EFNB2: variants seen among roughly 807,000 people sequenced by gnomAD.
EFNB2 encodes ephrin-B2.
Under a neutral mutation model 32.1 loss-of-function variants are expected in EFNB2, and 5 were observed. The observed-to-expected ratio is 0.16, with a 90% CI of 0.08 to 0.33. The LOEUF is 0.33. EFNB2 is among the 10% of genes least tolerant of loss of function. The pLI is 1.00. For synonymous variants in EFNB2, 168 were observed against 166.5 expected (o/e 1.01, Z -0.07); for missense variants, 263 against 422.6 (o/e 0.62, Z 3.31).
chr13:106,523,073 C>T (rs1018582008), intron 1 of EFNB2, among the ~76,000 whole-genome samples: 3 of 152,182 alleles, frequency 2.0e-5, no homozygotes, highest in Non-Finnish European at 4.4e-5. Flanking sequence ...ATACCTCCTT[C>T]CTGGGCTTCA....
intron 1 of EFNB2, among the ~76,000 whole-genome samples, chr13:106,524,333 G>A (rs1879631100): frequency 6.6e-6 from 1 of 152,222 alleles, no homozygotes; most frequent in Non-Finnish European, 1.5e-5. Flanking sequence ...CCATGCAACA[G>A]CATAAGCAGG....
chr13:106,498,051 T>C (rs1878647926), intron 2 of EFNB2, among the ~76,000 whole-genome samples: 1 of 152,164 alleles, frequency 6.6e-6, no homozygotes, highest in African/African-American at 2.4e-5. Flanking sequence ...TAAATGAACC[T>C]ACACGCAAAA....
Position 106,512,656 on chromosome 13 carries a change from C to T in EFNB2, c.279G>A (p.Lys93=), listed in dbSNP as rs775132304. The change falls in exon 2 of 5, where the codon AAG becomes AAA. Residue 93 remains lysine, a synonymous_variant. Coordinates refer to ENST00000646441, the MANE Select transcript of EFNB2 (RefSeq NM_004093.4). ...KDQADRCTIK[K]ENTPLLNCAK... ...CACAGTTGAGGAGAGGGGTATTTTC[C>T]TTCTTAATAGTGCATCTGTCTGCTT... is the stretch of plus-strand genomic sequence containing the variant. 8 of 1,613,624 alleles carry T rather than the reference C, an allele frequency of 5.0e-6. No homozygotes were observed. The Admixed American group carries it at 1.3e-4, about 27-fold the overall frequency.
Position 106,535,054 on chromosome 13 carries a change from G to C in EFNB2, c.-90C>G. ...ACCCCCAATCCTCCGGGGCAGACTGGCGGGGAAGACGGCGTGCGCCCGCAG... is the reference window on the plus strand; with the variant it reads ...ACCCCCAATCCTCCGGGGCAGACTGCCGGGGAAGACGGCGTGCGCCCGCAG... On this transcript the variant is annotated 5_prime_UTR_variant, in exon 1 of 5. Transcript: ENST00000646441. The C allele has an allele frequency of 1.3e-6, 2 of 1,534,416 alleles. No individual in the cohort carries two copies. Among genetic ancestry groups the C allele is most frequent in the East Asian group, 2.4e-5 (1 of 41,584 alleles).
At chr13:106,494,315 T>G (rs1566454147) in intron 4 of EFNB2, among the ~76,000 whole-genome samples, 1 of 152,222 alleles carries the variant, frequency 6.6e-6, no homozygotes, top group African/African-American at 2.4e-5. Flanking sequence ...CCAAGACTGT[T>G]AAGAAAACGA....
At chr13:106,508,822 G>A (rs986594648) in intron 2 of EFNB2, among the ~76,000 whole-genome samples, 1 of 152,170 alleles carries the variant, frequency 6.6e-6, no homozygotes, top group African/African-American at 2.4e-5. Context: ...ATATCAGTTT[G>A]CCACATATCT....
chr13:106,513,011 A>C (rs529401936), intron 1 of EFNB2, among the ~76,000 whole-genome samples, 199 bp from the exon 2 acceptor site: 2 of 152,308 alleles, frequency 1.3e-5, no homozygotes, highest in East Asian at 3.9e-4. Flanking sequence ...AAAAGGAAAG[A>C]CAGAAAGAAA....
intron 1 of EFNB2, chr13:106,517,908 G>A (rs1879364840): frequency 2.6e-5 from 4 of 152,100 alleles, no homozygotes; most frequent in Admixed American, 2.6e-4. Flanking sequence ...CACCAATCTA[G>A]ACTCTAATAC....
intron 1 of EFNB2, among the ~76,000 whole-genome samples, chr13:106,526,220 A>C (rs1424429428): frequency 2.0e-5 from 3 of 152,216 alleles, no homozygotes; most frequent in African/African-American, 7.2e-5. Context: ...ATCCATGTCT[A>C]GTAGCAGAAG....
At chr13:106,498,000 C>T (rs1878646397) in intron 2 of EFNB2, among the ~76,000 whole-genome samples, 2 of 152,166 alleles carry the variant, frequency 1.3e-5, no homozygotes, top group Admixed American at 1.3e-4. Context: ...TGGTTTACTT[C>T]ATTCAGGTGG....
Position 106,492,194 on chromosome 13 carries a change from G to C in EFNB2, c.*846C>G, listed in dbSNP as rs186169741. On this transcript the variant is annotated 3_prime_UTR_variant, in exon 5 of 5. Transcript: ENST00000646441. The surrounding 1 kb of genome is among the most constrained non-coding windows in gnomAD (Gnocchi z 5.1). Reference sequence around the variant, plus strand: ...TGTCGTGTCTCCTACTGGCCTCTTCGATCTCAGCAAAACCAAAGTGCTGTG... The same window carrying C: ...TGTCGTGTCTCCTACTGGCCTCTTCCATCTCAGCAAAACCAAAGTGCTGTG... 5 of 152,592 alleles carry C rather than the reference G, an allele frequency of 3.3e-5. No individual in the cohort carries two copies. Among genetic ancestry groups the C allele is most frequent in the Non-Finnish European group, 7.3e-5 (5 of 68,068 alleles). 9.5% of individuals were successfully genotyped at this position (152,592 alleles called of 1,614,324 possible). A position where few individuals can be genotyped will look rare whatever the true frequency, so the allele number is the denominator to read the frequency against.
rs1879397012 is a variant in EFNB2 at position 106,518,673 on chromosome 13, G to A, written c.123-5861C>T. On this transcript the variant is annotated intron_variant, in intron 1 of 4. Transcript: ENST00000646441. This position sits in a 1 kb window ranked among gnomAD's most constrained non-coding sequence, Gnocchi z 4.1. ...GATCTATTTCTGCACTTTGCCCAGT[G>A]TAATAGGAGGATCCGTGGGAAGCCA... 2 of 152,280 alleles carry A rather than the reference G, an allele frequency of 1.3e-5. No individual in the cohort carries two copies. Among genetic ancestry groups the A allele is most frequent in the Non-Finnish European group, 2.9e-5 (2 of 68,112 alleles). 9.4% of individuals were successfully genotyped at this position (152,280 alleles called of 1,614,324 possible).
intron 3 of EFNB2, 122 bp downstream of exon 3, chr13:106,495,625 AG>A: frequency 1.1e-6 from 1 of 886,556 alleles, no homozygotes; most frequent in East Asian, 2.5e-5. Flanking sequence ...AAAGTGCAGA[AG>A]GGTTTGCTTT....
At chr13:106,498,742 T>G (rs1028144405) in intron 2 of EFNB2, among the ~76,000 whole-genome samples, 1 of 152,180 alleles carries the variant, frequency 6.6e-6, no homozygotes, top group Non-Finnish European at 1.5e-5. Flanking sequence ...ATGCTGCCTT[T>G]GTAGGTTCCT....
intron 1 of EFNB2, among the ~76,000 whole-genome samples, chr13:106,527,301 AAAT>A (rs1047888833): frequency 2.6e-5 from 4 of 151,782 alleles, no homozygotes; most frequent in African/African-American, 9.7e-5. Context: ...AATAAAATAA[AAAT>A]AATAATATAA....
chr13:106,533,972 C>A (rs759683447), intron 1 of EFNB2, among the ~76,000 whole-genome samples: 1 of 152,218 alleles, frequency 6.6e-6, no homozygotes, highest in Non-Finnish European at 1.5e-5. Context: ...CTCCACAAGG[C>A]CTGGCTCGCT....
chr13:106,532,821 A>AT (rs1386442595), intron 1 of EFNB2, among the ~76,000 whole-genome samples: 10 of 127,602 alleles, frequency 7.8e-5, no homozygotes, highest in Non-Finnish European at 1.5e-4. Flanking sequence ...CATCATCAGA[A>AT]TGGGGGGGGG....
intron 2 of EFNB2, among the ~76,000 whole-genome samples, chr13:106,502,366 C>T (rs1878810610): frequency 6.6e-6 from 1 of 152,120 alleles, no homozygotes; most frequent in South Asian, 2.1e-4. Context: ...GAAAATGGTA[C>T]AGTTTTATTT....
chr13:106,492,707 C>T lies in EFNB2; in HGVS notation c.*333G>A. On this transcript the variant is annotated 3_prime_UTR_variant, in exon 5 of 5. Coordinates refer to ENST00000646441, the MANE Select transcript of EFNB2 (RefSeq NM_004093.4). This position sits in a 1 kb window ranked among gnomAD's most constrained non-coding sequence, Gnocchi z 5.1. ...GCCAGGATGCTCACAGCCCTCTCGT[C>T]CACAAACCACTGTCTTCCCTTGGCT... The T allele has an allele frequency of 4.3e-6, 1 of 232,594 alleles. No homozygotes were observed. Among genetic ancestry groups the T allele is most frequent in the Non-Finnish European group, 8.5e-6 (1 of 117,116 alleles). 14.4% of individuals were successfully genotyped at this position (232,594 alleles called of 1,614,324 possible).
Sources: gnomAD v4.1 joint callset for allele counts (sites outside exome capture counted in the v4.1 genomes callset) on GRCh38, gnomAD v4.1.1 for gene constraint, Gnocchi (gnomAD v3.1) non-coding constraint, MANE v1.5 for transcripts, NCBI Gene and HGNC (gene_info 2026-07-23, HGNC 2026-07-21) for gene names.